The following KCTD8 variants were observed in gnomAD, a reference collection of about 807,000 sequenced individuals.
The protein encoded by KCTD8 is BTB/POZ domain-containing protein KCTD8.
A neutral mutation model predicts 31.5 loss-of-function variants in KCTD8; 27 were observed. The ratio of observed to expected loss-of-function variants is 0.86; its 90% CI spans 0.63 to 1.18. KCTD8 has a LOEUF of 1.18. Among genes scored for constraint, KCTD8 ranks in the 50% most tolerant of loss-of-function variants. KCTD8 has a pLI of 0.00. For missense variants in KCTD8, 658 were observed against 647.7 expected, an observed-to-expected ratio of 1.02 and a Z score of -0.17; for synonymous variants, 290 against 280.0, an observed-to-expected ratio of 1.04 and a Z score of -0.36.
intron 1 of KCTD8, among the ~76,000 whole-genome samples, chr4:44,403,421 T>C (rs1192983280): frequency 1.7e-5 from 1 of 60,168 alleles, no homozygotes; most frequent in Admixed American, 2.5e-4. Context: ...TTACTAGGGC[T>C]ACCATTAAAA....
chr4:44,204,776 T>A (rs993960265), intron 1 of KCTD8, among the ~76,000 whole-genome samples: 2 of 152,040 alleles, frequency 1.3e-5, no homozygotes, highest in Non-Finnish European at 2.9e-5. Flanking sequence ...GATATGTTAA[T>A]AAGATTTTTA....
chr4:44,385,015 C>T (rs1174063055), intron 1 of KCTD8, among the ~76,000 whole-genome samples: 1 of 150,924 alleles, frequency 6.6e-6, no homozygotes, highest in Non-Finnish European at 1.5e-5. Context: ...TAGGAATAAG[C>T]TTAACCAAGA....
chr4:44,359,508 A>G (rs1719442881), intron 1 of KCTD8, among the ~76,000 whole-genome samples: 1 of 152,216 alleles, frequency 6.6e-6, no homozygotes, highest in Admixed American at 6.5e-5. Flanking sequence ...AGGAAACAAC[A>G]TATATAGGAA....
chr4:44,302,710 T>G (rs1283502834), intron 1 of KCTD8, among the ~76,000 whole-genome samples: 1 of 151,944 alleles, frequency 6.6e-6, no homozygotes, highest in Non-Finnish European at 1.5e-5. Flanking sequence ...TACCCTTTAT[T>G]TCCTTCTTCT....
At chr4:44,249,669 T>C (rs1180710471) in intron 1 of KCTD8, among the ~76,000 whole-genome samples, 1 of 151,846 alleles carries the variant, frequency 6.6e-6, no homozygotes, top group Non-Finnish European at 1.5e-5. Context: ...TATCCAACTA[T>C]GTACAGTACC....
intron 1 of KCTD8, among the ~76,000 whole-genome samples, chr4:44,414,570 G>C (rs1721030259): frequency 6.6e-6 from 1 of 152,178 alleles, no homozygotes; most frequent in South Asian, 2.1e-4. Context: ...TGAGGGCTGA[G>C]AATTACTGTC....
At chr4:44,290,778 A>T (rs1047129062) in intron 1 of KCTD8, among the ~76,000 whole-genome samples, 5 of 152,104 alleles carry the variant, frequency 3.3e-5, no homozygotes, top group African/African-American at 9.7e-5. Flanking sequence ...TTAGAGACAC[A>T]TCTTACCAAA....
chr4:44,324,897 G>C (rs1453268146), intron 1 of KCTD8, among the ~76,000 whole-genome samples: 1 of 151,936 alleles, frequency 6.6e-6, no homozygotes, highest in Non-Finnish European at 1.5e-5. Context: ...CTGGCCTTAT[G>C]TTACTAATTG....
chr4:44,348,181 A>C (rs1719083691), intron 1 of KCTD8, among the ~76,000 whole-genome samples: 1 of 152,204 alleles, frequency 6.6e-6, no homozygotes, highest in South Asian at 2.1e-4. Flanking sequence ...AAGACATTGT[A>C]GGTCAGCTAT....
chr4:44,403,281 C>A (rs759814163), intron 1 of KCTD8, among the ~76,000 whole-genome samples: 1 of 151,874 alleles, frequency 6.6e-6, no homozygotes, highest in Non-Finnish European at 1.5e-5. Flanking sequence ...TAAAATCACA[C>A]GTTTTATGCA....
At chr4:44,414,190 C>T (rs553132540) in intron 1 of KCTD8, among the ~76,000 whole-genome samples, 1 of 148,174 alleles carries the variant, frequency 6.7e-6, no homozygotes, top group Non-Finnish European at 1.5e-5. Context: ...CTGATCTTCA[C>T]AGAGTCCTGA....
At chr4:44,433,555 T>C (rs1457841071) in intron 1 of KCTD8, among the ~76,000 whole-genome samples, 2 of 151,700 alleles carry the variant, frequency 1.3e-5, no homozygotes, top group East Asian at 1.9e-4. Context: ...GTTTATATGA[T>C]ATTCTCCAGT....
intron 1 of KCTD8, among the ~76,000 whole-genome samples, chr4:44,311,357 T>G (rs542339704): frequency 2.0e-5 from 3 of 152,120 alleles, no homozygotes; most frequent in African/African-American, 7.2e-5. Flanking sequence ...GAGGAGATTC[T>G]TTCACCACAA....
chr4:44,251,327 C>A (rs1715824586), intron 1 of KCTD8, among the ~76,000 whole-genome samples: 1 of 151,598 alleles, frequency 6.6e-6, no homozygotes, highest in African/African-American at 2.4e-5. Context: ...TCTCATGTAA[C>A]TTTCAGGATC....
chr4:44,208,178 C>A (rs1000011987), intron 1 of KCTD8, among the ~76,000 whole-genome samples: 1 of 152,156 alleles, frequency 6.6e-6, no homozygotes, highest in African/African-American at 2.4e-5. Flanking sequence ...AATTCCCCAG[C>A]AATTATCTAC....
intron 1 of KCTD8, among the ~76,000 whole-genome samples, chr4:44,399,027 T>C (rs1337985822): frequency 6.6e-6 from 1 of 152,162 alleles, no homozygotes; most frequent in Non-Finnish European, 1.5e-5. Flanking sequence ...AATGCCTTCA[T>C]ATGTCTGGTG....
intron 1 of KCTD8, among the ~76,000 whole-genome samples, chr4:44,395,155 A>C (rs995863661): frequency 2.6e-5 from 4 of 152,114 alleles, no homozygotes; most frequent in Admixed American, 6.6e-5. Context: ...TGCAGCAAGA[A>C]AGGTAAGAAA....
intron 1 of KCTD8, among the ~76,000 whole-genome samples, chr4:44,442,242 C>G (rs546435127): frequency 6.6e-6 from 1 of 151,972 alleles, no homozygotes; most frequent in African/African-American, 2.4e-5. Context: ...GTTATTTAAT[C>G]TTATTTTTTG....
intron 1 of KCTD8, among the ~76,000 whole-genome samples, chr4:44,405,273 T>TTTG (rs1216000182): frequency 8.3e-6 from 1 of 121,106 alleles, no homozygotes; most frequent in East Asian, 2.2e-4. Context: ...TTGTTTGTTT[T>TTTG]TGTGAGACGG....
Sources: gnomAD v4.1 joint callset for allele counts (sites outside exome capture counted in the v4.1 genomes callset) on GRCh38, gnomAD v4.1.1 for gene constraint, MANE v1.5 for transcripts, NCBI Gene and HGNC (gene_info 2026-07-23, HGNC 2026-07-21) for gene names.